The following PPARGC1B variants were observed in gnomAD, a reference collection of about 807,000 sequenced individuals.
PPARGC1B encodes peroxisome proliferator-activated receptor gamma coactivator 1-beta.
In PPARGC1B, 34 loss-of-function variants were observed where a neutral mutation model predicts 101.6. The observed-to-expected ratio is 0.33, with a 90% CI of 0.25 to 0.45. PPARGC1B has a LOEUF of 0.45. PPARGC1B is among the 20% of genes least tolerant of loss of function. The pLI is 1.00. For synonymous variants in PPARGC1B, 548 were observed against 539.3 expected (o/e 1.02, Z -0.22); for missense variants, 1,234 against 1,317.6 (o/e 0.94, Z 0.98).
intron 2 of PPARGC1B, among the ~76,000 whole-genome samples, chr5:149,823,897 GCTCT>G (rs1374135738): frequency 6.6e-6 from 1 of 152,188 alleles, no homozygotes; most frequent in Non-Finnish European, 1.5e-5. Context: ...GTCAGTGTTG[GCTCT>G]CTAAGTCCTG....
intron 1 of PPARGC1B, among the ~76,000 whole-genome samples, chr5:149,816,158 T>C (rs1426004805): frequency 6.6e-6 from 1 of 152,248 alleles, no homozygotes; most frequent in Non-Finnish European, 1.5e-5. Flanking sequence ...TCACTATTAA[T>C]GTGGCGCTTA....
chr5:149,830,030 CAAAAAAAAAAAAAAAAAAAAAAAAGA>C lies in PPARGC1B; in HGVS notation c.466-722_466-697del, dbSNP rs1324212795. On this transcript the variant is annotated intron_variant, in intron 3 of 11. Coordinates refer to ENST00000309241, the MANE Select transcript of PPARGC1B (RefSeq NM_133263.4). ...AGCCTAGGTGACAGAGACTGCATCTCAAAAAAAAAAAAAAAAAAAAAAAAGAAAAAAAAAAAAAAACAGGGTGGGTT... is the reference window on the plus strand; with the variant it reads ...AGCCTAGGTGACAGAGACTGCATCTCAAAAAAAAAAAAAACAGGGTGGGTT... Among the ~76,000 whole-genome samples the C allele has an allele frequency of 2.9e-4, 10 of 34,268 alleles. 1 individual carries two copies. Among genetic ancestry groups the C allele is most frequent in the East Asian group, 2.8e-3 (2 of 710 alleles). The allele number at this position is 34,268 out of a possible 152,430, so 22.5% of individuals were successfully genotyped here.
chr5:149,756,976 G>T (rs1755550995), intron 1 of PPARGC1B, among the ~76,000 whole-genome samples: 1 of 152,168 alleles, frequency 6.6e-6, no homozygotes, highest in South Asian at 2.1e-4. Context: ...CACTGTGCTT[G>T]GACCTGGGGA....
At chr5:149,803,243 A>G (rs943199933) in intron 1 of PPARGC1B, among the ~76,000 whole-genome samples, 1 of 152,128 alleles carries the variant, frequency 6.6e-6, no homozygotes, top group African/African-American at 2.4e-5. Flanking sequence ...AGTGTTCTCT[A>G]CTATTGCTTC....
chr5:149,764,918 C>T (rs1290742641), intron 1 of PPARGC1B, among the ~76,000 whole-genome samples: 1 of 152,224 alleles, frequency 6.6e-6, no homozygotes, highest in East Asian at 1.9e-4. Context: ...AGCATGGACT[C>T]CTCTTAGGAG....
intron 1 of PPARGC1B, among the ~76,000 whole-genome samples, chr5:149,814,874 C>T (rs565801858): frequency 5.3e-5 from 8 of 152,316 alleles, no homozygotes; most frequent in South Asian, 2.1e-4. Context: ...GGGGGGCCCA[C>T]GGCAGGGGGT....
intron 1 of PPARGC1B, among the ~76,000 whole-genome samples, chr5:149,802,346 T>C (rs1034400266): frequency 7.9e-5 from 12 of 152,226 alleles, no homozygotes; most frequent in African/African-American, 2.2e-4. Context: ...GTTGTGTCTC[T>C]GGGCTTTGCA....
At chr5:149,746,820 C>G (rs1308187965) in intron 1 of PPARGC1B, among the ~76,000 whole-genome samples, 1 of 152,092 alleles carries the variant, frequency 6.6e-6, no homozygotes, top group East Asian at 1.9e-4. Flanking sequence ...AGGTGGTTAT[C>G]TTATTGTAGT....
At chr5:149,778,673 C>T (rs183425396) in intron 1 of PPARGC1B, among the ~76,000 whole-genome samples, 1 of 152,158 alleles carries the variant, frequency 6.6e-6, no homozygotes, top group Non-Finnish European at 1.5e-5. Context: ...GCAAGGCTCA[C>T]CCCTCCTGCA....
chr5:149,732,240 G>C (rs1165953723), intron 1 of PPARGC1B, among the ~76,000 whole-genome samples: 2 of 152,206 alleles, frequency 1.3e-5, no homozygotes, highest in Non-Finnish European at 2.9e-5. Flanking sequence ...GGGCTAGCGG[G>C]CACTGAGTGC....
chr5:149,817,673 C>A, intron 1 of PPARGC1B: 1 of 454,578 alleles, frequency 2.2e-6, no homozygotes, highest in South Asian at 1.6e-5. Context: ...CTCATAGTAG[C>A]ATTGAACATG....
At chr5:149,751,211 GC>G (rs541138651) in intron 1 of PPARGC1B, among the ~76,000 whole-genome samples, 1 of 152,102 alleles carries the variant, frequency 6.6e-6, no homozygotes, top group Non-Finnish European at 1.5e-5. Flanking sequence ...TCCCCACCCT[GC>G]CACTTAGCAG....
rs1759738734 is a variant in PPARGC1B at position 149,850,862 on chromosome 5, A to G, written c.*3304A>G. On this transcript the variant is annotated 3_prime_UTR_variant, in exon 12 of 12. Coordinates refer to ENST00000309241, the MANE Select transcript of PPARGC1B (RefSeq NM_133263.4). ...TCTTCCATCTCCTTCCTCAGTCTGTACAAGGCTGAATCAGAATCCCCATTC... is the reference window on the plus strand; with the variant it reads ...TCTTCCATCTCCTTCCTCAGTCTGTGCAAGGCTGAATCAGAATCCCCATTC... The G allele has an allele frequency of 1.3e-5, 2 of 151,992 alleles. No homozygotes were observed. The highest frequency in any genetic ancestry group is 6.6e-5 in the Admixed American group (1 of 15,244). 9.4% of individuals were successfully genotyped at this position (151,992 alleles called of 1,614,324 possible). A position where few individuals can be genotyped will look rare whatever the true frequency, so the allele number is the denominator to read the frequency against.
Position 149,823,502 on chromosome 5 carries a change from C to T in PPARGC1B, c.252+2896C>T, listed in dbSNP as rs182808561. Among the ~76,000 whole-genome samples the T allele has an allele frequency of 3.7e-3, 565 of 152,294 alleles. 3 individuals are homozygous for T. Among genetic ancestry groups the T allele is most frequent in the African/African-American group, 0.013 (538 of 41,554 alleles). ...TCAGATTTCTTGAAGGCTCGTTTTCCTCCTGCTTGAGATCAGCTCAGGAAG... is the reference window on the plus strand; with the variant it reads ...TCAGATTTCTTGAAGGCTCGTTTTCTTCCTGCTTGAGATCAGCTCAGGAAG... On this transcript the variant is annotated intron_variant, in intron 2 of 11. Coordinates refer to ENST00000309241, the MANE Select transcript of PPARGC1B (RefSeq NM_133263.4).
At chr5:149,786,984 G>A (rs1174249736) in intron 1 of PPARGC1B, among the ~76,000 whole-genome samples, 1 of 152,184 alleles carries the variant, frequency 6.6e-6, no homozygotes, top group Non-Finnish European at 1.5e-5. Context: ...GCAAAAAGAA[G>A]TTGATTGGTT....
intron 1 of PPARGC1B, among the ~76,000 whole-genome samples, chr5:149,731,757 G>C (rs900209060): frequency 1.3e-5 from 2 of 152,212 alleles, no homozygotes; most frequent in African/African-American, 4.8e-5. Context: ...GGTGAAACGC[G>C]ACTTGGAAGG....
intron 2 of PPARGC1B, among the ~76,000 whole-genome samples, chr5:149,823,259 A>C (rs778890028): frequency 2.6e-5 from 4 of 152,172 alleles, no homozygotes; most frequent in Non-Finnish European, 5.9e-5. Flanking sequence ...GGCGTGGACA[A>C]ATCAATCTGT....
chr5:149,750,142 G>A (rs992751432), intron 1 of PPARGC1B, among the ~76,000 whole-genome samples: 8 of 152,064 alleles, frequency 5.3e-5, no homozygotes, highest in African/African-American at 9.7e-5. Flanking sequence ...TGCCTTAAAC[G>A]AGTGGGTTTG....
rs1342229925 is a variant in PPARGC1B, at chr5:149,852,475, C to T, written c.*4917C>T. On this transcript the variant is annotated 3_prime_UTR_variant, in exon 12 of 12. Coordinates refer to ENST00000309241, the MANE Select transcript of PPARGC1B (RefSeq NM_133263.4). Reference sequence around the variant, plus strand: ...TGCAAGAACCAACCAGCAGTAGGTTCAATCCCACTGTGTCCTGGCTGAGTT... The same window carrying T: ...TGCAAGAACCAACCAGCAGTAGGTTTAATCCCACTGTGTCCTGGCTGAGTT... 6.6e-6 allele frequency: 1 copy of T among 152,232 alleles called. No individual in the cohort carries two copies. The allele number at this position is 152,232 out of a possible 1,614,324, so 9.4% of individuals were successfully genotyped here. A position where few individuals can be genotyped will look rare whatever the true frequency, so the allele number is the denominator to read the frequency against.
Sources: allele counts gnomAD v4.1 joint callset (sites outside exome capture counted in the v4.1 genomes callset), GRCh38; gene constraint gnomAD v4.1.1; transcripts MANE v1.5; gene names NCBI Gene and HGNC (gene_info 2026-07-23, HGNC 2026-07-21).